WDR35: variants seen among roughly 807,000 people sequenced by gnomAD.
WDR35 encodes WD repeat-containing protein 35.
WDR35 carries 118 observed loss-of-function variants against 158.3 expected under a neutral mutation model. The observed-to-expected ratio is 0.75, with a 90% CI of 0.64 to 0.87. WDR35 has a LOEUF of 0.87. Among genes scored for constraint, WDR35 ranks in the 40% least tolerant of loss-of-function variants. The probability of loss-of-function intolerance (pLI) is 0.00; values close to 1 mark genes in which losing one functional copy is unlikely to be tolerated. For missense variants in WDR35, 1,263 were observed against 1,405.8 expected (o/e 0.90, Z 1.62); for synonymous variants, 448 against 476.1 (o/e 0.94, Z 0.77).
chr2:19,935,299 A>G, intron 21 of WDR35, 172 bp downstream of exon 21: 1 of 604,198 alleles, frequency 1.7e-6, no homozygotes, highest in Non-Finnish European at 2.6e-6. Flanking sequence ...ATTTTCAAGC[A>G]TTCTATATTA....
At chr2:19,925,155 G>A (rs976686120) in intron 25 of WDR35, among the ~76,000 whole-genome samples, 15 of 152,206 alleles carry the variant, frequency 9.9e-5, no homozygotes, top group African/African-American at 2.4e-4. Flanking sequence ...CCCGCAAAGG[G>A]TCTGTGGACC....
chr2:19,947,346 T>C (rs1048228667), intron 14 of WDR35, among the ~76,000 whole-genome samples: 2 of 152,184 alleles, frequency 1.3e-5, no homozygotes, highest in African/African-American at 4.8e-5. Flanking sequence ...GGGAATACTA[T>C]AGAAATACTA....
chr2:19,932,199 A>C, intron 23 of WDR35, 84 bp downstream of exon 23: 1 of 1,568,880 alleles, frequency 6.4e-7, no homozygotes, highest in Non-Finnish European at 8.7e-7. Flanking sequence ...ATTTGTTTCC[A>C]AAGAAAATGG....
chr2:19,950,195 A>T (rs1671191796), intron 13 of WDR35, among the ~76,000 whole-genome samples: 1 of 150,596 alleles, frequency 6.6e-6, no homozygotes. Flanking sequence ...AACCCTTGAC[A>T]AAGAAGACTC....
chr2:19,951,177 T>C (rs1671223209), intron 13 of WDR35, among the ~76,000 whole-genome samples: 1 of 152,170 alleles, frequency 6.6e-6, no homozygotes, highest in South Asian at 2.1e-4. Context: ...TCCAACATTT[T>C]TAGATAATAC....
intron 25 of WDR35, among the ~76,000 whole-genome samples, chr2:19,927,132 T>C (rs115085390): frequency 3.3e-5 from 5 of 152,300 alleles, no homozygotes; most frequent in Non-Finnish European, 7.4e-5. Flanking sequence ...CAGTAAGGGC[T>C]GACACAGGGA....
At chr2:19,963,147 C>T (rs886232651) in intron 10 of WDR35, among the ~76,000 whole-genome samples, 3 of 152,176 alleles carry the variant, frequency 2.0e-5, no homozygotes, top group African/African-American at 4.8e-5. Flanking sequence ...CCCTACCACA[C>T]AGGGGCACCT....
In WDR35 at chr2:19,934,388, T is replaced by G. The variant is rs891656595; in HGVS notation, c.2548-877A>C. On this transcript the variant is annotated intron_variant, in intron 21 of 26. Coordinates refer to ENST00000281405, the MANE Select transcript of WDR35 (RefSeq NM_020779.4). This position sits in a 1 kb window ranked among gnomAD's most constrained non-coding sequence, Gnocchi z 4.6. The stretch of plus-strand genomic sequence containing the variant: ...AACATCTTTGTCCTTTGAATATATA[T>G]GTATATGTTTGTGTTGTACACAATC... Among the ~76,000 whole-genome samples the G allele has an allele frequency of 6.6e-6, 1 of 152,160 alleles. No individual in the cohort carries two copies. The highest frequency in any genetic ancestry group is 1.5e-5 in the Non-Finnish European group (1 of 68,018).
At chr2:19,980,829 T>C in intron 3 of WDR35, 46 bp from the exon 4 acceptor site, 1 of 1,546,560 alleles carries the variant, frequency 6.5e-7, no homozygotes, top group South Asian at 1.1e-5. Context: ...TTACAATTAA[T>C]TTCAAATTCA....
chr2:19,950,448 G>C (rs570699207), intron 13 of WDR35, among the ~76,000 whole-genome samples: 98 of 152,262 alleles, frequency 6.4e-4, no homozygotes, highest in African/African-American at 2.1e-3. Context: ...TACGAAAGGA[G>C]GAAGAGAGAA....
In WDR35 at chr2:19,932,437, G is replaced by A. The variant is rs748208920; in HGVS notation, c.2669C>T (p.Ala890Val). The A allele has an allele frequency of 1.9e-6, 3 of 1,613,140 alleles. No individual in the cohort carries two copies. In the South Asian group the frequency reaches 3.3e-5, roughly 18 times the overall value. The change falls in exon 23 of 27, where the codon GCT (alanine) becomes GTT (valine). Residue 890 changes from alanine (A) to valine (V), a missense_variant. Transcript: ENST00000281405. ...TCVHLNQWNKAVELAKNHSMK... is the reference protein window; with the variant it reads ...TCVHLNQWNKVVELAKNHSMK... Reference sequence around the variant, plus strand: ...ACTATGATTTTTAGCCAATTCAACAGCTTTGTTCCACTAGGAGAAAAATTA... The same window carrying A: ...ACTATGATTTTTAGCCAATTCAACAACTTTGTTCCACTAGGAGAAAAATTA...
Position 19,966,790 on chromosome 2 carries a change from G to A in WDR35, c.1128C>T (p.Leu376=). The change falls in exon 10 of 27, where the codon CTC becomes CTT. Residue 376 remains leucine (L), a synonymous_variant. Transcript: ENST00000281405. The part of the protein sequence containing the change: ...NEKYVKYVKG[L]ISITTCGDFC... ...AATCTCCACAGGTAGTAATAGAAAT[G>A]AGACCCTTCACATATTTAACATATT... 1 of 1,613,980 alleles carries A rather than the reference G, an allele frequency of 6.2e-7. No individual in the cohort carries two copies.
intron 25 of WDR35, among the ~76,000 whole-genome samples, chr2:19,925,970 T>C (rs1670342397): frequency 6.6e-6 from 1 of 152,182 alleles, no homozygotes; most frequent in Non-Finnish European, 1.5e-5. Context: ...GATAGAACAA[T>C]GGCCACTAAG....
In WDR35 at chr2:19,951,497, T is replaced by C. The variant is rs751629559; in HGVS notation, c.1401-13A>G. 1 of 1,601,560 alleles carries C rather than the reference T, an allele frequency of 6.2e-7. No homozygotes were observed. On this transcript the variant is annotated splice_polypyrimidine_tract_variant and intron_variant, in intron 12 of 26. Transcript: ENST00000281405. ...AACATGATAAATTCTGCAAAAAAGA[T>C]CAGAATTTCAAAGAAAGTTTAAGTA...
chr2:19,962,221 T>C, intron 10 of WDR35: 1 of 1,530,918 alleles, frequency 6.5e-7, no homozygotes, highest in Non-Finnish European at 9.0e-7. Context: ...TTGCTACAGT[T>C]TCTGATCAGC....
intron 13 of WDR35, among the ~76,000 whole-genome samples, chr2:19,950,892 A>G (rs1671213928): frequency 6.6e-6 from 1 of 152,220 alleles, no homozygotes; most frequent in Non-Finnish European, 1.5e-5. Context: ...AGTTTTGAGC[A>G]TCAGATAAGA....
At chr2:19,985,006 A>G (rs974213547) in intron 2 of WDR35, among the ~76,000 whole-genome samples, 3 of 152,110 alleles carry the variant, frequency 2.0e-5, no homozygotes, top group Non-Finnish European at 4.4e-5. Context: ...CTCTGTATGC[A>G]TCCCTGGGTC....
In WDR35 at chr2:19,937,765, T is replaced by A; in HGVS notation, c.2245A>T (p.Thr749Ser). The stretch of plus-strand genomic sequence containing the variant: ...TACCTTCTGTCCATCTCGAGATACG[T>A]TCTTTCAGCCTCTTCAAACCTGCCG... The part of the protein sequence containing the change: ...YFGRFEEAER[T>S]YLEMDRRDLA... The change falls in exon 19 of 27, where the codon ACG becomes TCG. Residue 749 changes from threonine to serine, a missense_variant. Coordinates refer to ENST00000281405, the MANE Select transcript of WDR35 (RefSeq NM_020779.4). 6.2e-7 allele frequency: 1 copy of A among 1,614,148 alleles called. No individual in the cohort carries two copies. The highest frequency in any genetic ancestry group is 8.5e-7 in the Non-Finnish European group (1 of 1,180,002).
Position 19,960,616 on chromosome 2 carries a change from T to G in WDR35, c.1195-2A>C, listed in dbSNP as rs1382257150. On this transcript the variant is annotated splice_acceptor_variant, in intron 10 of 26. Coordinates refer to ENST00000281405, the MANE Select transcript of WDR35 (RefSeq NM_020779.4). LOFTEE classifies it high-confidence loss of function. ...AGAATTACAAAGAACTAGTACAAAC[T>G]GTGAACAAATAAAACAAAAAGTATC... 1.2e-6 allele frequency: 2 copies of G among 1,606,100 alleles called. No individual in the cohort carries two copies. The highest frequency in any genetic ancestry group is 1.7e-6 in the Non-Finnish European group (2 of 1,174,152).
Sources: gnomAD v4.1 joint callset for allele counts (sites outside exome capture counted in the v4.1 genomes callset) on GRCh38, gnomAD v4.1.1 for gene constraint, Gnocchi (gnomAD v3.1) non-coding constraint, MANE v1.5 for transcripts, NCBI Gene and HGNC (gene_info 2026-07-23, HGNC 2026-07-21) for gene names.